Variants in TMED9 observed in about 807,000 individuals in gnomAD.
The protein encoded by TMED9 is transmembrane p24 trafficking protein 9.
TMED9 carries 22 observed loss-of-function variants against 30.6 expected under a neutral mutation model. That is an observed-to-expected ratio of 0.72 (90% CI 0.51 to 1.03). The LOEUF (loss-of-function observed/expected upper bound fraction) is 1.03, where lower values mean the gene tolerates loss of function less well. Among genes scored for constraint, TMED9 ranks in the 50% least tolerant of loss-of-function variants. The pLI, the probability that TMED9 is intolerant of heterozygous loss-of-function variation, is 0.00. For missense variants in TMED9, 251 were observed against 302.1 expected (o/e 0.83, Z 1.25); for synonymous variants, 146 against 122.8 (o/e 1.19, Z -1.25).
rs1017895883 is a variant in TMED9, at chr5:177,596,485, G to C, written c.*1069G>C. Among the ~76,000 whole-genome samples, 1 of 152,212 alleles carries C rather than the reference G, an allele frequency of 6.6e-6. No homozygotes were observed. Among genetic ancestry groups the C allele is most frequent in the Non-Finnish European group, 1.5e-5 (1 of 68,034 alleles). Reference sequence around the variant, plus strand: ...GCCACCCTGGGCTGGCAGGGACAAGGATGTTGATGGGCTAAACCAACAGCA... The same window carrying C: ...GCCACCCTGGGCTGGCAGGGACAAGCATGTTGATGGGCTAAACCAACAGCA... On this transcript the variant is annotated 3_prime_UTR_variant, in exon 5 of 5. Coordinates refer to ENST00000332598, the MANE Select transcript of TMED9 (RefSeq NM_017510.6).
intron 4 of TMED9, 130 bp from the exon 5 acceptor site, chr5:177,595,137 A>T: frequency 2.1e-6 from 2 of 940,482 alleles, no homozygotes; most frequent in Non-Finnish European, 3.1e-6. Flanking sequence ...GTCCCCAGGT[A>T]GAGTGACACT....
chr5:177,596,756 G>A lies in TMED9; in HGVS notation c.*1340G>A, dbSNP rs1767697583. ...GGGCTGCAGGCACCCACAGGCACAA[G>A]CTGAAGGCAGCAGCTTGGCTGGCTT... On this transcript the variant is annotated 3_prime_UTR_variant, in exon 5 of 5. Transcript: ENST00000332598. 6.6e-6 allele frequency among the ~76,000 whole-genome samples: 1 copy of A among 152,204 alleles called. No individual in the cohort carries two copies. The highest frequency in any genetic ancestry group is 2.1e-4 in the South Asian group (1 of 4,828).
In TMED9 at chr5:177,596,981, C is replaced by T. The variant is rs1767700974; in HGVS notation, c.*1565C>T. Among the ~76,000 whole-genome samples, 1 of 151,940 alleles carries T rather than the reference C, an allele frequency of 6.6e-6. No individual in the cohort carries two copies. The highest frequency in any genetic ancestry group is 2.1e-4 in the South Asian group (1 of 4,814). On this transcript the variant is annotated 3_prime_UTR_variant, in exon 5 of 5. Transcript: ENST00000332598. ...GGCAGGCAGTTTTGAGAAGAACCTTCTAATAAGAAATGTGAGGGAGGTTAC... is the reference window on the plus strand; with the variant it reads ...GGCAGGCAGTTTTGAGAAGAACCTTTTAATAAGAAATGTGAGGGAGGTTAC...
At position 177,592,559 on chromosome 5, in the gene TMED9, C is replaced by T. The variant is rs951352549; in HGVS notation, c.185-16C>T. Reference sequence around the variant, plus strand: ...CTCGCGCTCCTCTGACCTGGGCTCGCCCTGCTTCCCTCAAGGAAACTACCG... The same window carrying T: ...CTCGCGCTCCTCTGACCTGGGCTCGTCCTGCTTCCCTCAAGGAAACTACCG... On this transcript the variant is annotated splice_polypyrimidine_tract_variant and intron_variant, in intron 1 of 4. Transcript: ENST00000332598. The T allele has an allele frequency of 2.5e-6, 4 of 1,608,162 alleles. No homozygotes were observed. The African/African-American group carries it at 4.0e-5, about 16-fold the overall frequency.
chr5:177,592,754 C>T (rs1314305068), intron 2 of TMED9, 79 bp downstream of exon 2: 2 of 1,017,164 alleles, frequency 2.0e-6, no homozygotes, highest in Admixed American at 2.3e-5. Flanking sequence ...GTTCCTGCAT[C>T]TGCTAAAGTG....
At chr5:177,593,107 C>A (rs560462048) in intron 2 of TMED9, 382 of 152,896 alleles carry the variant, frequency 2.5e-3, no homozygotes, top group African/African-American at 8.8e-3. Flanking sequence ...GAGTTCAGGA[C>A]CGGCCTGGGC....
In TMED9 at chr5:177,593,282, C is replaced by T. The variant is rs185403370; in HGVS notation, c.286-368C>T. 2.1e-3 allele frequency: 392 copies of T among 185,944 alleles called. 2 individuals are homozygous for T. The highest frequency in any genetic ancestry group is 8.6e-3 in the African/African-American group (364 of 42,372). 11.5% of individuals were successfully genotyped at this position (185,944 alleles called of 1,614,324 possible). A position where few individuals can be genotyped will look rare whatever the true frequency, so the allele number is the denominator to read the frequency against. ...CTGAGGCTGCAGTGAGCTGAGATAG[C>T]ATCACTGCACTCCAGCCAGGACGAC... On this transcript the variant is annotated intron_variant, in intron 2 of 4. Transcript: ENST00000332598.
Position 177,593,788 on chromosome 5 carries a change from A to G in TMED9, c.411+13A>G, listed in dbSNP as rs753824631. 8.1e-6 allele frequency: 13 copies of G among 1,613,886 alleles called. No homozygotes were observed. In the Admixed American group the frequency reaches 2.2e-4, roughly 27 times the overall value. Reference sequence around the variant, plus strand: ...TGGAGGCATGCTGGTAAGTGGGCCCATGTGAGACTTGCAGGTTTCAGCCTT... The same window carrying G: ...TGGAGGCATGCTGGTAAGTGGGCCCGTGTGAGACTTGCAGGTTTCAGCCTT... On this transcript the variant is annotated intron_variant, in intron 3 of 4. Transcript: ENST00000332598.
rs1393068840 is a variant in TMED9, at chr5:177,596,792, A to G, written c.*1376A>G. Among the ~76,000 whole-genome samples, 1 of 152,202 alleles carries G rather than the reference A, an allele frequency of 6.6e-6. No individual in the cohort carries two copies. The highest frequency in any genetic ancestry group is 2.4e-5 in the African/African-American group (1 of 41,454). The stretch of plus-strand genomic sequence containing the variant: ...CAGCTTGGCTGGCTTAATACTGAGC[A>G]GGTGGTGGGGTAAATGCCTGCCCCC... On this transcript the variant is annotated 3_prime_UTR_variant, in exon 5 of 5. Transcript: ENST00000332598.
intron 2 of TMED9, 53 bp downstream of exon 2, chr5:177,592,728 G>A: frequency 2.3e-6 from 3 of 1,308,764 alleles, no homozygotes; most frequent in Non-Finnish European, 3.2e-6. Context: ...GGCGGGCTCC[G>A]GTACTTCCTC....
Position 177,593,975 on chromosome 5 carries a change from A to G in TMED9, c.412-164A>G, listed in dbSNP as rs1767638285. On this transcript the variant is annotated intron_variant, in intron 3 of 4. Coordinates refer to ENST00000332598, the MANE Select transcript of TMED9 (RefSeq NM_017510.6). ...CTCAGAGCACCAGCCCAGGCTTAAT[A>G]CTTGCTTGTGTGCCCAGAGCCTCAT... The G allele has an allele frequency of 5.0e-6, 6 of 1,192,680 alleles. No individual in the cohort carries two copies. In the South Asian group the frequency reaches 5.8e-5, roughly 12 times the overall value. The allele number at this position is 1,192,680 out of a possible 1,614,324, so 73.9% of individuals were successfully genotyped here.
intron 3 of TMED9, 96 bp from the exon 4 acceptor site, chr5:177,594,043 A>G (rs1224888905): frequency 6.6e-7 from 1 of 1,525,246 alleles, no homozygotes; most frequent in East Asian, 2.3e-5. Context: ...TGGCTAAATG[A>G]ACAGATGAAG....
chr5:177,594,947 A>G (rs1378555018), intron 4 of TMED9, among the ~76,000 whole-genome samples: 1 of 152,140 alleles, frequency 6.6e-6, no homozygotes, highest in Non-Finnish European at 1.5e-5. Context: ...TGGGAGACCT[A>G]GGCAGAGGGC....
intron 4 of TMED9, among the ~76,000 whole-genome samples, chr5:177,594,630 G>A (rs1767651711): frequency 2.0e-5 from 3 of 152,314 alleles, no homozygotes; most frequent in Admixed American, 1.3e-4. Context: ...TGACCTTAAG[G>A]ACTAGTAGGG....
chr5:177,593,167 A>G (rs1767623540), intron 2 of TMED9: 1 of 157,174 alleles, frequency 6.4e-6, no homozygotes. Context: ...AAAAAAAAAA[A>G]AAAAAAAAAT....
rs1403233996 is a variant in TMED9 at position 177,594,087 on chromosome 5, G to A, written c.412-52G>A. 8 of 1,606,958 alleles carry A rather than the reference G, an allele frequency of 5.0e-6. No individual in the cohort carries two copies. In the Admixed American group the frequency reaches 6.7e-5, roughly 13 times the overall value. On this transcript the variant is annotated intron_variant, in intron 3 of 4. Transcript: ENST00000332598. ...GGGATGAGCTGTCAGTCTCTGGCAGGAAGATGGAGCAGGGCTACCAGATTT... is the reference window on the plus strand; with the variant it reads ...GGGATGAGCTGTCAGTCTCTGGCAGAAAGATGGAGCAGGGCTACCAGATTT...
At chr5:177,593,155 C>CAAAA in intron 2 of TMED9, 1 of 95,112 alleles carries the variant, frequency 1.1e-5, no homozygotes, top group Non-Finnish European at 2.1e-5. Flanking sequence ...AGTAAAAATA[C>CAAAA]AAAAAAAAAA....
chr5:177,594,502 C>T (rs1561809980), intron 4 of TMED9, among the ~76,000 whole-genome samples: 1 of 152,224 alleles, frequency 6.6e-6, no homozygotes, highest in African/African-American at 2.4e-5. Context: ...CACAGAATGG[C>T]ACAGTAGCAT....
At chr5:177,593,155 CAAAAA>C (rs56909658) in intron 2 of TMED9, 89 of 95,700 alleles carry the variant, frequency 9.3e-4, no homozygotes, top group African/African-American at 3.3e-3. Context: ...AGTAAAAATA[CAAAAA>C]AAAAAAAAAA....
Sources: allele counts gnomAD v4.1 joint callset (sites outside exome capture counted in the v4.1 genomes callset), GRCh38; gene constraint gnomAD v4.1.1; transcripts MANE v1.5; gene names NCBI Gene and HGNC (gene_info 2026-07-23, HGNC 2026-07-21).